Variants in CDK14 observed in about 807,000 individuals in gnomAD.
CDK14 encodes cyclin dependent kinase 14.
Under a neutral mutation model 60.7 loss-of-function variants are expected in CDK14, and 34 were observed. The observed-to-expected ratio is 0.56, with a 90% confidence interval of 0.43 to 0.75. CDK14 has a LOEUF of 0.75. CDK14 is among the 30% of genes least tolerant of loss of function. The pLI, the probability that CDK14 is intolerant of heterozygous loss-of-function variation, is 0.00. For synonymous variants in CDK14, 197 were observed against 203.7 expected (o/e 0.97, Z 0.28); for missense variants, 482 against 564.1 (o/e 0.85, Z 1.47).
Position 91,111,747 on chromosome 7 carries a change from A to G in CDK14, c.1155-795A>G, listed in dbSNP as rs1164631120. The stretch of plus-strand genomic sequence containing the variant: ...CTATCCAGAAATGCTAGCCATTATT[A>G]GGAATACTTTTATTATCATTATTAT... On this transcript the variant is annotated intron_variant, in intron 12 of 14. Coordinates refer to ENST00000380050, the MANE Select transcript of CDK14 (RefSeq NM_001287135.2). Among the ~76,000 whole-genome samples the G allele has an allele frequency of 2.6e-5, 4 of 152,230 alleles. No homozygotes were observed. In the East Asian group the frequency reaches 5.8e-4, roughly 22 times the overall value.
chr7:90,601,946 GTATGT>G, intron 1 of CDK14, among the ~76,000 whole-genome samples: 1 of 151,628 alleles, frequency 6.6e-6, no homozygotes, highest in Non-Finnish European at 1.5e-5. Context: ...ATGTATGTAT[GTATGT>G]ATGTATGTAT....
chr7:90,750,859 C>T (rs555159419), intron 4 of CDK14, among the ~76,000 whole-genome samples: 123 of 150,298 alleles, frequency 8.2e-4, no homozygotes, highest in African/African-American at 2.6e-3. Context: ...GGCAACAGAG[C>T]GAGACTGTCT....
chr7:90,998,351 T>C (rs949932703), intron 10 of CDK14, among the ~76,000 whole-genome samples: 1 of 152,344 alleles, frequency 6.6e-6, no homozygotes, highest in African/African-American at 2.4e-5. Context: ...AAAAGGATGT[T>C]GTGGATGAAT....
chr7:91,039,833 C>G (rs1490673818), intron 10 of CDK14, among the ~76,000 whole-genome samples: 1 of 152,044 alleles, frequency 6.6e-6, no homozygotes, highest in Non-Finnish European at 1.5e-5. Context: ...GGCTCACACC[C>G]GTAGTCCTAG....
intron 4 of CDK14, among the ~76,000 whole-genome samples, chr7:90,772,918 T>C (rs1804849384): frequency 6.6e-6 from 1 of 152,108 alleles, no homozygotes; most frequent in East Asian, 1.9e-4. Context: ...ACCTAGGAAA[T>C]AGACACACAT....
At chr7:90,640,106 C>T (rs184853717) in intron 2 of CDK14, among the ~76,000 whole-genome samples, 66 of 152,208 alleles carry the variant, frequency 4.3e-4, no homozygotes, top group African/African-American at 1.2e-3. Context: ...CTTCAGCTGG[C>T]GCACGGTGCG....
In CDK14 at chr7:90,615,776, A is replaced by G. The variant is rs563588645; in HGVS notation, c.123+11527A>G. On this transcript the variant is annotated intron_variant, in intron 2 of 14. Transcript: ENST00000380050. ...CAAAAAAGGAGATTGCACCAGTTCTATAAAGCAGTGATGGGCTGTGGTAGA... is the reference window on the plus strand; with the variant it reads ...CAAAAAAGGAGATTGCACCAGTTCTGTAAAGCAGTGATGGGCTGTGGTAGA... Among the ~76,000 whole-genome samples the G allele has an allele frequency of 7.2e-5, 11 of 152,342 alleles. No homozygotes were observed. The South Asian group carries it at 1.9e-3, about 26-fold the overall frequency.
In CDK14 at chr7:91,091,056, G is replaced by T. The variant is rs1724750; in HGVS notation, c.1154+11576G>T. On this transcript the variant is annotated intron_variant, in intron 12 of 14. Coordinates refer to ENST00000380050, the MANE Select transcript of CDK14 (RefSeq NM_001287135.2). ...TGTTTACATTGACTACAAATAAAGC[G>T]TAGGTTTGTATCATCCTTTTTGAAA... Among the ~76,000 whole-genome samples, 1,224 of 151,570 alleles carry T rather than the reference G, an allele frequency of 8.1e-3. 18 individuals carry two copies. The highest frequency in any genetic ancestry group is 0.027 in the African/African-American group (1,130 of 41,282).
At chr7:90,702,579 T>C (rs1405834365) in intron 2 of CDK14, among the ~76,000 whole-genome samples, 2 of 152,074 alleles carry the variant, frequency 1.3e-5, no homozygotes, top group African/African-American at 4.8e-5. Context: ...TTAAATTATA[T>C]AGGGATACAC....
At chr7:91,146,242 C>T (rs1800634206) in intron 14 of CDK14, among the ~76,000 whole-genome samples, 1 of 152,118 alleles carries the variant, frequency 6.6e-6, no homozygotes, top group Non-Finnish European at 1.5e-5. Flanking sequence ...GCTCTGTTGC[C>T]CAGGCTGGAG....
At chr7:90,637,332 G>T (rs879272300) in intron 2 of CDK14, among the ~76,000 whole-genome samples, 1 of 144,966 alleles carries the variant, frequency 6.9e-6, no homozygotes, top group Non-Finnish European at 1.5e-5. Flanking sequence ...CTGGTATGTT[G>T]TGTCTTTGTT....
chr7:90,984,016 AAGTT>A (rs934006546), intron 9 of CDK14, 128 bp from the exon 10 acceptor site: 5 of 654,900 alleles, frequency 7.6e-6, no homozygotes, highest in African/African-American at 7.2e-5. Context: ...TCTAAAATAA[AAGTT>A]AGAGGGGAAA....
Position 90,992,572 on chromosome 7 carries a change from G to A in CDK14, c.1041+8331G>A, listed in dbSNP as rs78519602. On this transcript the variant is annotated intron_variant, in intron 10 of 14. Coordinates refer to ENST00000380050, the MANE Select transcript of CDK14 (RefSeq NM_001287135.2). ...TTTCTTAAGTGCTATTCTGAGAGAT[G>A]CCATTTTACATACCATGTTCTGGGG... 9.9e-3 allele frequency among the ~76,000 whole-genome samples: 1,503 copies of A among 152,260 alleles called. 25 individuals carry two copies. The highest frequency in any genetic ancestry group is 0.033 in the African/African-American group (1,381 of 41,546).
At chr7:91,162,182 C>T (rs886430363) in intron 14 of CDK14, among the ~76,000 whole-genome samples, 10 of 152,174 alleles carry the variant, frequency 6.6e-5, no homozygotes, top group African/African-American at 2.2e-4. Flanking sequence ...GACTTTGTAA[C>T]ACATGGAAAC....
chr7:90,601,193 T>G (rs1799306887), intron 1 of CDK14, among the ~76,000 whole-genome samples: 2 of 152,222 alleles, frequency 1.3e-5, no homozygotes, highest in African/African-American at 4.8e-5. Context: ...TCCAGAATAA[T>G]GTAATATGCT....
chr7:91,014,280 G>A (rs1024034430), intron 10 of CDK14, among the ~76,000 whole-genome samples: 19 of 152,046 alleles, frequency 1.2e-4, no homozygotes, highest in African/African-American at 4.6e-4. Context: ...TGCACTAGTT[G>A]GCCCCCTTGC....
At chr7:91,085,728 C>T (rs1367464973) in intron 12 of CDK14, among the ~76,000 whole-genome samples, 1 of 152,182 alleles carries the variant, frequency 6.6e-6, no homozygotes, top group Non-Finnish European at 1.5e-5. Flanking sequence ...TCTGACCCAT[C>T]AGGTAACAGG....
intron 10 of CDK14, among the ~76,000 whole-genome samples, chr7:90,997,818 G>A (rs1284134181): frequency 5.9e-5 from 9 of 152,176 alleles, no homozygotes; most frequent in Non-Finnish European, 1.2e-4. Context: ...CTCTTGGGAT[G>A]TGATTCAAGT....
At position 90,649,341 on chromosome 7, in the gene CDK14, C is replaced by T. The variant is rs1276947148; in HGVS notation, c.123+45092C>T. 3.0e-4 allele frequency among the ~76,000 whole-genome samples: 14 copies of T among 46,616 alleles called. No individual in the cohort carries two copies. The East Asian group carries it at 6.6e-3, about 22-fold the overall frequency. 30.6% of individuals were successfully genotyped at this position (46,616 alleles called of 152,430 possible). A position where few individuals can be genotyped will look rare whatever the true frequency, so the allele number is the denominator to read the frequency against. On this transcript the variant is annotated intron_variant, in intron 2 of 14. Coordinates refer to ENST00000380050, the MANE Select transcript of CDK14 (RefSeq NM_001287135.2). ...CCTTCCTTCCTTCCTTCCTTCCTTC[C>T]TTCCTTCCTTCCTTCCTTCCTTCCT...
Sources: allele counts gnomAD v4.1 joint callset (sites outside exome capture counted in the v4.1 genomes callset), GRCh38; gene constraint gnomAD v4.1.1; transcripts MANE v1.5; gene names NCBI Gene and HGNC (gene_info 2026-07-23, HGNC 2026-07-21).